NTN1: variants seen among roughly 807,000 people sequenced by gnomAD.
NTN1 encodes netrin-1.
NTN1 carries 11 observed loss-of-function variants against 54.2 expected under a neutral mutation model. The ratio of observed to expected loss-of-function variants is 0.20; its 90% CI spans 0.13 to 0.34. The LOEUF is 0.34. NTN1 is among the 10% of genes least tolerant of loss of function. NTN1 has a pLI of 1.00. For missense variants in NTN1, 740 were observed against 893.1 expected, an observed-to-expected ratio of 0.83 and a Z score of 2.18; for synonymous variants, 371 against 382.0, an observed-to-expected ratio of 0.97 and a Z score of 0.33.
At chr17:9,095,076 A>G (rs978817563) in intron 2 of NTN1, among the ~76,000 whole-genome samples, 2 of 151,266 alleles carry the variant, frequency 1.3e-5, no homozygotes, top group African/African-American at 4.8e-5. Flanking sequence ...CATGTCTGTT[A>G]GCCACTTGTG....
intron 2 of NTN1, among the ~76,000 whole-genome samples, chr17:9,100,955 C>G (rs1014203827): frequency 1.2e-4 from 18 of 152,156 alleles, no homozygotes; most frequent in African/African-American, 4.1e-4. Flanking sequence ...CCTTCCCTAC[C>G]AGTTTCCTAC....
intron 2 of NTN1, among the ~76,000 whole-genome samples, chr17:9,059,460 C>T (rs1159379908): frequency 6.6e-6 from 1 of 152,166 alleles, no homozygotes; most frequent in Non-Finnish European, 1.5e-5. Flanking sequence ...TATGGTCTAT[C>T]CACCCTACGT....
intron 2 of NTN1, among the ~76,000 whole-genome samples, chr17:9,095,673 G>A (rs903309519): frequency 6.6e-6 from 1 of 152,154 alleles, no homozygotes; most frequent in African/African-American, 2.4e-5. Flanking sequence ...TTTGCATTTT[G>A]TTTCCAGATG....
At chr17:9,017,910 T>C (rs2091835144), upstream of NTN1, among the ~76,000 whole-genome samples, 1 of 152,152 alleles carries the variant, frequency 6.6e-6, no homozygotes, top group Admixed American at 6.5e-5. Flanking sequence ...CAGAAAACAA[T>C]GTCCTATGGG....
the NTN1 span, among the ~76,000 whole-genome samples, chr17:9,005,126 C>T: frequency 6.6e-6 from 1 of 152,184 alleles, no homozygotes; most frequent in East Asian, 1.9e-4. Context: ...CATCTCTCCA[C>T]GTCTTCACCA....
At chr17:9,203,943 G>A (rs139004423) in intron 5 of NTN1, among the ~76,000 whole-genome samples, 52 of 152,232 alleles carry the variant, frequency 3.4e-4, no homozygotes, top group Admixed American at 5.2e-4. Flanking sequence ...GAAGGGGAGG[G>A]GCTCCTTCTT....
intron 6 of NTN1, among the ~76,000 whole-genome samples, chr17:9,228,315 G>A (rs1033377631): frequency 6.6e-6 from 1 of 152,226 alleles, no homozygotes; most frequent in African/African-American, 2.4e-5. Flanking sequence ...AAGAAGCTAG[G>A]CATAGCACGA....
At chr17:9,180,065 GTC>G in intron 4 of NTN1, 109 bp downstream of exon 4, 1 of 1,225,096 alleles carries the variant, frequency 8.2e-7, no homozygotes, top group Non-Finnish European at 1.1e-6. Context: ...GGTTGGTTGA[GTC>G]TCACTGTGTC....
At chr17:9,074,994 A>G (rs1219582887) in intron 2 of NTN1, among the ~76,000 whole-genome samples, 1 of 152,216 alleles carries the variant, frequency 6.6e-6, no homozygotes, top group African/African-American at 2.4e-5. Context: ...GGAATATGCT[A>G]GCTTGTTAGA....
intron 2 of NTN1, among the ~76,000 whole-genome samples, chr17:9,136,598 G>T (rs77934588): frequency 6.6e-6 from 1 of 151,642 alleles, no homozygotes; most frequent in African/African-American, 2.4e-5. Context: ...AACAAAAAAA[G>T]AAAAAAAAGA....
chr17:9,194,312 G>A (rs1217246551), intron 5 of NTN1, among the ~76,000 whole-genome samples: 1 of 152,206 alleles, frequency 6.6e-6, no homozygotes, highest in Non-Finnish European at 1.5e-5. Flanking sequence ...TTCCTGGGCT[G>A]CTTTCGAGGA....
intron 2 of NTN1, among the ~76,000 whole-genome samples, chr17:9,117,014 G>A (rs61365209): frequency 3.9e-5 from 6 of 152,166 alleles, no homozygotes; most frequent in Admixed American, 3.9e-4. Flanking sequence ...CTGAATGAGG[G>A]GGGTGGGAGA....
intron 6 of NTN1, among the ~76,000 whole-genome samples, chr17:9,223,589 C>T (rs1170856046): frequency 2.6e-5 from 4 of 151,854 alleles, no homozygotes; most frequent in Admixed American, 6.6e-5. Context: ...CATATGGCCC[C>T]GGAGCTGCAG....
intron 2 of NTN1, among the ~76,000 whole-genome samples, chr17:9,119,286 C>T (rs1365837382): frequency 6.6e-6 from 1 of 151,972 alleles, no homozygotes; most frequent in African/African-American, 2.4e-5. Flanking sequence ...CTCCCGGGTT[C>T]AAGCAATTCT....
At chr17:9,133,298 G>T (rs886070293) in intron 2 of NTN1, among the ~76,000 whole-genome samples, 1 of 152,242 alleles carries the variant, frequency 6.6e-6, no homozygotes. Context: ...GTTTGGCTGT[G>T]GTTCTCACTC....
At chr17:9,052,075 C>T (rs529998101) in intron 2 of NTN1, among the ~76,000 whole-genome samples, 8 of 152,146 alleles carry the variant, frequency 5.3e-5, no homozygotes, top group Admixed American at 3.3e-4. Flanking sequence ...TGGGTTCAAG[C>T]GATTCTCCTG....
intron 6 of NTN1, among the ~76,000 whole-genome samples, chr17:9,230,599 C>G (rs1004627892): frequency 6.6e-6 from 1 of 152,210 alleles, no homozygotes; most frequent in Admixed American, 6.5e-5. Flanking sequence ...AGCCCCAGAG[C>G]CCACAGGAAG....
intron 2 of NTN1, among the ~76,000 whole-genome samples, chr17:9,050,080 A>G (rs1320571152): frequency 6.6e-6 from 1 of 151,738 alleles, no homozygotes; most frequent in Non-Finnish European, 1.5e-5. Context: ...CCCCGTCTCT[A>G]CTAAAAATAC....
At chr17:9,092,610 T>C (rs949568936) in intron 2 of NTN1, among the ~76,000 whole-genome samples, 3 of 151,894 alleles carry the variant, frequency 2.0e-5, no homozygotes, top group Non-Finnish European at 4.4e-5. Flanking sequence ...AAAATTTTTT[T>C]TGAGACAGGG....
Sources: gnomAD v4.1 joint callset for allele counts (sites outside exome capture counted in the v4.1 genomes callset) on GRCh38, gnomAD v4.1.1 for gene constraint, MANE v1.5 for transcripts, NCBI Gene and HGNC (gene_info 2026-07-23, HGNC 2026-07-21) for gene names.